The following MAPK8IP3 variants were observed in gnomAD, a reference collection of about 807,000 sequenced individuals.
The protein encoded by MAPK8IP3 is C-Jun-amino-terminal kinase-interacting protein 3.
Under a neutral mutation model 157.8 loss-of-function variants are expected in MAPK8IP3, and 49 were observed. That is an observed-to-expected ratio of 0.31 (90% confidence interval 0.25 to 0.39). The LOEUF (loss-of-function observed/expected upper bound fraction) is 0.39, where lower values mean the gene tolerates loss of function less well. Among genes scored for constraint, MAPK8IP3 ranks in the 10% least tolerant of loss-of-function variants. The pLI, the probability that MAPK8IP3 is intolerant of heterozygous loss-of-function variation, is 1.00. For missense variants in MAPK8IP3, 1,478 were observed against 1,889.4 expected, an observed-to-expected ratio of 0.78 and a Z score of 4.04; for synonymous variants, 897 against 777.7, an observed-to-expected ratio of 1.15 and a Z score of -2.55.
At position 1,742,164 on chromosome 16, in the gene MAPK8IP3, C is replaced by G. The variant is rs940305387; in HGVS notation, c.603-1168C>G. 6.6e-6 allele frequency among the ~76,000 whole-genome samples: 1 copy of G among 152,132 alleles called. No individual in the cohort carries two copies. The highest frequency in any genetic ancestry group is 1.5e-5 in the Non-Finnish European group (1 of 68,018). On this transcript the variant is annotated intron_variant, in intron 4 of 31. Transcript: ENST00000610761. This position sits in a 1 kb window ranked among gnomAD's most constrained non-coding sequence, Gnocchi z 5.0. ...CTCCAGCATCTGACCACGTGGCCTGCCCCCCAGACCTGAGGAGGTGAGGAG... is the reference window on the plus strand; with the variant it reads ...CTCCAGCATCTGACCACGTGGCCTGGCCCCCAGACCTGAGGAGGTGAGGAG...
intron 16 of MAPK8IP3, 73 bp from the exon 17 acceptor site, chr16:1,763,584 C>A: frequency 7.1e-7 from 1 of 1,407,078 alleles, no homozygotes; most frequent in Non-Finnish European, 9.3e-7. Context: ...GTGACCTCCC[C>A]CAGGACAAGC....
chr16:1,768,649 G>A, intron 31 of MAPK8IP3, 23 bp downstream of exon 31: 2 of 1,610,542 alleles, frequency 1.2e-6, no homozygotes, highest in South Asian at 1.1e-5. Context: ...CAGGGACAGG[G>A]CTGAGGTTGG....
intron 8 of MAPK8IP3, among the ~76,000 whole-genome samples, chr16:1,757,664 C>T (rs1226009456): frequency 2.0e-5 from 3 of 152,198 alleles, no homozygotes; most frequent in Admixed American, 6.5e-5. Flanking sequence ...CATCCTTCAC[C>T]GAGGTCCTGC....
intron 4 of MAPK8IP3, among the ~76,000 whole-genome samples, chr16:1,730,708 T>G (rs931286618): frequency 6.6e-6 from 1 of 152,076 alleles, no homozygotes; most frequent in Non-Finnish European, 1.5e-5. Flanking sequence ...CCGGGTGTGG[T>G]GGCGGGCGCC....
intron 4 of MAPK8IP3, among the ~76,000 whole-genome samples, chr16:1,736,511 C>T (rs1469955339): frequency 1.5e-4 from 5 of 34,400 alleles, no homozygotes; most frequent in East Asian, 1.4e-3. Context: ...AGCGTGTGAC[C>T]GTCCGTGTGT....
intron 1 of MAPK8IP3, among the ~76,000 whole-genome samples, chr16:1,718,688 G>C (rs1451147296): frequency 6.6e-6 from 1 of 151,620 alleles, no homozygotes; most frequent in African/African-American, 2.4e-5. Flanking sequence ...CAGCTAGTCA[G>C]AGGCCGAGGC....
At chr16:1,732,461 G>T (rs2039376438) in intron 4 of MAPK8IP3, among the ~76,000 whole-genome samples, 1 of 152,256 alleles carries the variant, frequency 6.6e-6, no homozygotes, top group African/African-American at 2.4e-5. Flanking sequence ...CTGCTTCCGA[G>T]TCTCTGGACG....
rs754254693 is a variant in MAPK8IP3 at position 1,765,178 on chromosome 16, G to A, written c.2446G>A (p.Ala816Thr). 1.3e-5 allele frequency: 21 copies of A among 1,588,352 alleles called. 1 individual carries two copies. The highest frequency in any genetic ancestry group is 2.3e-5 in the East Asian group (1 of 43,944). ...AHVLCISSIP[A>T]ASDSDYPPGE... Reference sequence around the variant, plus strand: ...CGTGCTGTGCATCTCCAGCATCCCCGGTGAGCAGCTGGAGTGGGCGTTTCC... The same window carrying A: ...CGTGCTGTGCATCTCCAGCATCCCCAGTGAGCAGCTGGAGTGGGCGTTTCC... The change falls in exon 20 of 32, where the codon GCG becomes ACG. Residue 816 changes from alanine to threonine, a missense_variant and splice_region_variant. This residue lies in a region of MAPK8IP3 where 669 missense variants were observed against 759.8 expected (regional missense o/e 0.88). Coordinates refer to ENST00000610761, the MANE Select transcript of MAPK8IP3 (RefSeq NM_001318852.2).
At chr16:1,748,379 G>C (rs1345559783) in intron 7 of MAPK8IP3, 33 bp downstream of exon 7, 3 of 1,563,168 alleles carry the variant, frequency 1.9e-6, no homozygotes, top group East Asian at 2.2e-5. Context: ...GGGGTCCTGG[G>C]GGCTCAGTAT....
At chr16:1,729,660 A>G (rs1410906237) in intron 4 of MAPK8IP3, 82 bp downstream of exon 4, 1 of 1,319,524 alleles carries the variant, frequency 7.6e-7, no homozygotes, top group Non-Finnish European at 1.1e-6. Context: ...CCAGGGTCGT[A>G]GTGCTTGTTA....
intron 4 of MAPK8IP3, among the ~76,000 whole-genome samples, chr16:1,738,789 G>T (rs1278208845): frequency 7.5e-6 from 1 of 132,972 alleles, no homozygotes; most frequent in Non-Finnish European, 1.6e-5. Flanking sequence ...GTGAGCGTCC[G>T]TGTGAGTGTG....
At chr16:1,760,171 G>T (rs1472685764) in intron 11 of MAPK8IP3, 156 bp downstream of exon 11, 2 of 988,644 alleles carry the variant, frequency 2.0e-6, no homozygotes, top group African/African-American at 3.3e-5. Flanking sequence ...GCAGGACTCT[G>T]CCTGGTTTCT....
chr16:1,750,573 T>C (rs1419202530), intron 8 of MAPK8IP3, among the ~76,000 whole-genome samples: 4 of 151,942 alleles, frequency 2.6e-5, no homozygotes, highest in Non-Finnish European at 1.5e-5. Context: ...ATGCTTATAA[T>C]AATATTTAAA....
chr16:1,763,071 C>G, intron 16 of MAPK8IP3, 65 bp downstream of exon 16: 2 of 1,591,874 alleles, frequency 1.3e-6, no homozygotes, highest in Non-Finnish European at 1.7e-6. Flanking sequence ...TCCTGAGGCT[C>G]CTCCCCTCCA....
Position 1,710,048 on chromosome 16 carries a change from A to AT in MAPK8IP3, c.318+3397dup, listed in dbSNP as rs2037667234. The stretch of plus-strand genomic sequence containing the variant: ...GGGAAGACAGTTTTATCCAAAACTT[A>AT]TTTTTTCCGAGTTAAATAAAAGTTA... On this transcript the variant is annotated intron_variant, in intron 1 of 31. Coordinates refer to ENST00000610761, the MANE Select transcript of MAPK8IP3 (RefSeq NM_001318852.2). The surrounding 1 kb of genome is among the most constrained non-coding windows in gnomAD (Gnocchi z 4.1). Among the ~76,000 whole-genome samples, 3 of 152,092 alleles carry AT rather than the reference A, an allele frequency of 2.0e-5. No individual in the cohort carries two copies. In the South Asian group the frequency reaches 6.2e-4, roughly 32 times the overall value.
Position 1,769,023 on chromosome 16 carries a change from T to G in MAPK8IP3, c.*199T>G, listed in dbSNP as rs1347279144. The stretch of plus-strand genomic sequence containing the variant: ...CTGGGAGGAGGAGGGGAGGGGAACT[T>G]CCACCCGAGGGGAAGATGCTCTCGG... On this transcript the variant is annotated 3_prime_UTR_variant, in exon 32 of 32. Coordinates refer to ENST00000610761, the MANE Select transcript of MAPK8IP3 (RefSeq NM_001318852.2). 6.5e-6 allele frequency: 4 copies of G among 619,722 alleles called. No homozygotes were observed. The highest frequency in any genetic ancestry group is 5.7e-5 in the East Asian group (2 of 35,394). The allele number at this position is 619,722 out of a possible 1,614,324, so 38.4% of individuals were successfully genotyped here. A position where few individuals can be genotyped will look rare whatever the true frequency, so the allele number is the denominator to read the frequency against.
chr16:1,723,011 GTTTGTTTGTTTTTGTT>G (rs1299143317), intron 1 of MAPK8IP3, among the ~76,000 whole-genome samples: 2 of 150,502 alleles, frequency 1.3e-5, no homozygotes, highest in South Asian at 2.1e-4. Flanking sequence ...AATTTTTTTT[GTTTGTTTGTTTTTGTT>G]TTTGTTTTTG....
chr16:1,747,095 A>G lies in MAPK8IP3; in HGVS notation c.814A>G (p.Thr272Ala), dbSNP rs1422530416. The G allele has an allele frequency of 6.2e-7, 1 of 1,613,860 alleles. No homozygotes were observed. Among genetic ancestry groups the G allele is most frequent in the Admixed American group, 1.7e-5 (1 of 60,024 alleles). Residue 272 changes from threonine to alanine, a missense_variant, in exon 6 of 32, where the codon ACC (threonine) becomes GCC (alanine). Thr to Ala is a moderately conservative substitution (Grantham distance 58, BLOSUM62 0). Around this residue, in one of 11 missense-constraint regions of MAPK8IP3, gnomAD observed 315 missense variants for 394.4 expected, o/e 0.80. Coordinates refer to ENST00000610761, the MANE Select transcript of MAPK8IP3 (RefSeq NM_001318852.2). ...GGCCGCCACACCCAGCACCACAGGC[A>G]CCAAGTCCAACACGCCCACATCCTC... ...SAAATPSTTG[T>A]KSNTPTSSVP...
chr16:1,739,656 ATC>A (rs1349888515), intron 4 of MAPK8IP3, among the ~76,000 whole-genome samples: 23 of 59,926 alleles, frequency 3.8e-4, no homozygotes, highest in Non-Finnish European at 2.8e-4. Flanking sequence ...CCGTGTGAGC[ATC>A]TGTGTGACCG....
Sources: allele counts gnomAD v4.1 joint callset (sites outside exome capture counted in the v4.1 genomes callset), GRCh38; gene constraint gnomAD v4.1.1; regional missense constraint gnomAD v4.1.1; non-coding constraint Gnocchi (gnomAD v3.1); transcripts MANE v1.5; gene names NCBI Gene and HGNC (gene_info 2026-07-23, HGNC 2026-07-21).